RBFOX2: variants seen among roughly 807,000 people sequenced by gnomAD.
RBFOX2 encodes RNA binding protein fox-1 homolog 2.
A neutral mutation model predicts 49.1 loss-of-function variants in RBFOX2; 10 were observed. The ratio of observed to expected loss-of-function variants is 0.20; its 90% CI spans 0.13 to 0.35. The LOEUF is 0.35. RBFOX2 is among the 10% of genes least tolerant of loss of function. The pLI is 1.00. For missense variants in RBFOX2, 323 were observed against 486.9 expected (o/e 0.66, Z 3.17); for synonymous variants, 183 against 187.4 (o/e 0.98, Z 0.19).
At chr22:35,942,723 TA>T (rs35497151), upstream of RBFOX2, among the ~76,000 whole-genome samples, 12,464 of 129,430 alleles carry the variant, frequency 0.096, 524 homozygotes, top group African/African-American at 0.12. Flanking sequence ...TCCCATCTCT[TA>T]AAAAAAAAAA....
chr22:36,003,102 T>C (rs2058493480), intron 1 of RBFOX2, among the ~76,000 whole-genome samples: 1 of 152,214 alleles, frequency 6.6e-6, no homozygotes, highest in African/African-American at 2.4e-5. Flanking sequence ...CTGACCAGCT[T>C]ATCAACTGGG....
At chr22:36,000,658 T>A (rs1293949128) in intron 1 of RBFOX2, among the ~76,000 whole-genome samples, 1 of 152,152 alleles carries the variant, frequency 6.6e-6, no homozygotes, top group African/African-American at 2.4e-5. Flanking sequence ...AATGTTTTTT[T>A]ATCTCCTGTG....
chr22:35,941,936 A>G (rs1000434597), upstream of RBFOX2, among the ~76,000 whole-genome samples: 21 of 152,300 alleles, frequency 1.4e-4, no homozygotes, highest in East Asian at 1.2e-3. Context: ...TGTCTCTTAC[A>G]AATGCATTAA....
intron 1 of RBFOX2, among the ~76,000 whole-genome samples, chr22:36,010,752 C>CAA (rs2058790926): frequency 6.6e-6 from 1 of 151,454 alleles, no homozygotes; most frequent in African/African-American, 2.4e-5. Context: ...CACACACACA[C>CAA]ACACACACAC....
intron 2 of RBFOX2, among the ~76,000 whole-genome samples, chr22:35,804,361 AC>A (rs771691530): frequency 1.6e-4 from 25 of 152,196 alleles, no homozygotes; most frequent in Non-Finnish European, 2.9e-4. Flanking sequence ...ATGGTGAAAA[AC>A]ATCCCAAATT....
chr22:35,784,749 C>T (rs1180833586), intron 2 of RBFOX2, among the ~76,000 whole-genome samples: 1 of 152,230 alleles, frequency 6.6e-6, no homozygotes, highest in Non-Finnish European at 1.5e-5. Flanking sequence ...ATCTTGAGGG[C>T]CATGGTGGTG....
chr22:35,884,249 G>A (rs1247915399), intron 1 of RBFOX2, among the ~76,000 whole-genome samples: 1 of 151,852 alleles, frequency 6.6e-6, no homozygotes, highest in East Asian at 1.9e-4. Flanking sequence ...CGCCTGCCTC[G>A]GCCTCACAAT....
At chr22:35,847,791 A>G (rs960842351) in intron 1 of RBFOX2, among the ~76,000 whole-genome samples, 9 of 152,154 alleles carry the variant, frequency 5.9e-5, no homozygotes, top group African/African-American at 1.7e-4. Flanking sequence ...TAAAGCCAGG[A>G]AAGTGTAGTT....
At chr22:35,886,751 C>T (rs988497034) in intron 1 of RBFOX2, among the ~76,000 whole-genome samples, 2 of 152,184 alleles carry the variant, frequency 1.3e-5, no homozygotes, top group Non-Finnish European at 2.9e-5. Context: ...CTGATGCCTT[C>T]AACTGCATTG....
upstream of RBFOX2, among the ~76,000 whole-genome samples, chr22:35,965,179 A>G (rs1285777495): frequency 6.6e-6 from 1 of 152,224 alleles, no homozygotes; most frequent in Non-Finnish European, 1.5e-5. Context: ...TAAATGAGGA[A>G]GGTAAGAGCA....
chr22:35,910,332 T>C (rs970618779), intron 1 of RBFOX2, among the ~76,000 whole-genome samples: 2 of 152,222 alleles, frequency 1.3e-5, no homozygotes, highest in Non-Finnish European at 2.9e-5. Flanking sequence ...CCAATTTGAA[T>C]TTTCGCAGGC....
chr22:35,760,150 G>T, intron 8 of RBFOX2, 130 bp from the exon 10 acceptor site: 1 of 1,213,470 alleles, frequency 8.2e-7, no homozygotes, highest in Non-Finnish European at 1.2e-6. Flanking sequence ...GGAAAAGGTG[G>T]CATGCATTCA....
rs974200514 is a variant in RBFOX2 at position 35,798,015 on chromosome 22, G to C, written c.252+11765C>G. Among the ~76,000 whole-genome samples, 6 of 151,996 alleles carry C rather than the reference G, an allele frequency of 3.9e-5. 1 individual carries two copies. The South Asian group carries it at 1.0e-3, about 26-fold the overall frequency. ...TTTGAGACTGAGTTTCCCTCTTGTTGCCCAGGCTGGAGTACAATGGCACGA... is the reference window on the plus strand; with the variant it reads ...TTTGAGACTGAGTTTCCCTCTTGTTCCCCAGGCTGGAGTACAATGGCACGA... On this transcript the variant is annotated intron_variant, in intron 2 of 11. Coordinates refer to ENST00000405409, the Ensembl canonical transcript of RBFOX2.
intron 1 of RBFOX2, among the ~76,000 whole-genome samples, chr22:35,826,176 A>G (rs1955676228): frequency 6.6e-6 from 1 of 151,526 alleles, no homozygotes; most frequent in African/African-American, 2.4e-5. Context: ...CCTCATCTCT[A>G]GTAAAAATAG....
At chr22:35,822,697 C>T in intron 1 of RBFOX2, 3 of 374,890 alleles carry the variant, frequency 8.0e-6, no homozygotes, top group South Asian at 2.1e-5. Context: ...CTCTCCATCC[C>T]CCTAAATATG....
chr22:35,799,810 G>A (rs916636218), intron 2 of RBFOX2, among the ~76,000 whole-genome samples: 16 of 151,868 alleles, frequency 1.1e-4, no homozygotes, highest in African/African-American at 1.9e-4. Context: ...AAAATTAGCC[G>A]GGTGTGGGGG....
At chr22:35,988,494 T>C (rs1430847609) in intron 1 of RBFOX2, among the ~76,000 whole-genome samples, 1 of 152,224 alleles carries the variant, frequency 6.6e-6, no homozygotes, top group Non-Finnish European at 1.5e-5. Flanking sequence ...AGAGAGTTCC[T>C]AACCCTATCT....
chr22:35,930,506 G>C (rs1261961666), intron 1 of RBFOX2, among the ~76,000 whole-genome samples: 1 of 151,736 alleles, frequency 6.6e-6, no homozygotes, highest in African/African-American at 2.4e-5. Flanking sequence ...CCAAAAAATG[G>C]CTTTATTAGA....
At chr22:35,962,713 T>C (rs898123197), upstream of RBFOX2, among the ~76,000 whole-genome samples, 3 of 152,126 alleles carry the variant, frequency 2.0e-5, no homozygotes, top group African/African-American at 7.2e-5. Context: ...CTTTGCTTAA[T>C]CCAAACTCTA....
Sources: gnomAD v4.1 joint callset for allele counts (sites outside exome capture counted in the v4.1 genomes callset) on GRCh38, gnomAD v4.1.1 for gene constraint, MANE v1.5 for transcripts, NCBI Gene and HGNC (gene_info 2026-07-23, HGNC 2026-07-21) for gene names.